TMEM132B: variants seen among roughly 807,000 people sequenced by gnomAD.
TMEM132B encodes the protein transmembrane protein 132B.
TMEM132B carries 18 observed loss-of-function variants against 90.8 expected under a neutral mutation model. The ratio of observed to expected loss-of-function variants is 0.20; its 90% CI spans 0.14 to 0.29. The LOEUF (loss-of-function observed/expected upper bound fraction) is 0.29. Ranked by LOEUF, TMEM132B falls within the 10% of genes least tolerant of loss-of-function variation. The probability of loss-of-function intolerance (pLI) is 1.00; values close to 1 mark genes in which losing one functional copy is unlikely to be tolerated. For missense variants in TMEM132B, 1,096 were observed against 1,326.8 expected (o/e 0.83, Z 2.70); for synonymous variants, 504 against 523.3 (o/e 0.96, Z 0.50).
chr12:125,299,479 G>T (rs924926476), intron 1 of TMEM132B, among the ~76,000 whole-genome samples: 17 of 152,170 alleles, frequency 1.1e-4, no homozygotes, highest in African/African-American at 3.9e-4. Context: ...CCTCCAGTCT[G>T]CGGCCTTCCA....
intron 4 of TMEM132B, among the ~76,000 whole-genome samples, 191 bp from the exon 5 acceptor site, chr12:125,583,660 A>G (rs1382003617): frequency 3.3e-5 from 5 of 152,172 alleles, no homozygotes; most frequent in Non-Finnish European, 7.3e-5. Context: ...AGGTTTGATT[A>G]TCTCAGTCTG....
intron 5 of TMEM132B, among the ~76,000 whole-genome samples, chr12:125,625,164 G>A (rs1367724627): frequency 4.1e-5 from 5 of 121,736 alleles, no homozygotes; most frequent in Admixed American, 2.2e-4. Context: ...ACTGAGTCTC[G>A]CTCTGTTGCC....
intron 4 of TMEM132B, among the ~76,000 whole-genome samples, chr12:125,549,498 T>G (rs1398591487): frequency 6.6e-6 from 1 of 152,214 alleles, no homozygotes; most frequent in Non-Finnish European, 1.5e-5. Flanking sequence ...AAAATGAATT[T>G]CAGGTCTCTC....
intron 1 of TMEM132B, among the ~76,000 whole-genome samples, chr12:125,282,785 G>A (rs928787213): frequency 6.6e-6 from 1 of 152,200 alleles, no homozygotes; most frequent in Non-Finnish European, 1.5e-5. Flanking sequence ...CTGGGAGCAC[G>A]CAGGGAGATG....
At chr12:125,517,755 C>T (rs981036007) in intron 3 of TMEM132B, among the ~76,000 whole-genome samples, 1 of 151,930 alleles carries the variant, frequency 6.6e-6, no homozygotes. Flanking sequence ...GTAGAAAGAC[C>T]AATATTATTG....
intron 1 of TMEM132B, among the ~76,000 whole-genome samples, chr12:125,212,856 G>T (rs1382567157): frequency 2.0e-5 from 3 of 151,968 alleles, no homozygotes; most frequent in South Asian, 2.1e-4. Context: ...AAAAACAAAG[G>T]GTTATATAAC....
chr12:125,231,339 AG>A (rs1356606296), intron 1 of TMEM132B, among the ~76,000 whole-genome samples: 2 of 152,074 alleles, frequency 1.3e-5, no homozygotes, highest in East Asian at 3.9e-4. Context: ...ACATCTGCCA[AG>A]GCTGTATTTT....
At chr12:125,224,582 GCTGCCCAGGCAGACCCTTCC>G (rs530099801) in intron 1 of TMEM132B, among the ~76,000 whole-genome samples, 1 of 152,352 alleles carries the variant, frequency 6.6e-6, no homozygotes, top group South Asian at 2.1e-4. Context: ...AGGGATTGGA[GCTGCCCAGGCAGACCCTTCC>G]CTGCCTGTCT....
At chr12:125,391,898 C>T (rs1174133612) in intron 2 of TMEM132B, among the ~76,000 whole-genome samples, 1 of 152,108 alleles carries the variant, frequency 6.6e-6, no homozygotes, top group Non-Finnish European at 1.5e-5. Context: ...TCCTGAGTAG[C>T]TGGGACTACA....
At chr12:125,358,893 A>G (rs928685326) in intron 2 of TMEM132B, among the ~76,000 whole-genome samples, 2 of 152,164 alleles carry the variant, frequency 1.3e-5, no homozygotes, top group Admixed American at 1.3e-4. Flanking sequence ...TCTTGTCTCA[A>G]ATGCAGTAAT....
chr12:125,583,788 C>T (rs1165006415), intron 4 of TMEM132B, 63 bp from the exon 5 acceptor site: 3 of 1,585,890 alleles, frequency 1.9e-6, no homozygotes, highest in Non-Finnish European at 2.6e-6. Context: ...GTGGACACCC[C>T]TCTCCTGCTC....
intron 4 of TMEM132B, among the ~76,000 whole-genome samples, chr12:125,563,842 A>G (rs146163138): frequency 1.0e-3 from 157 of 152,320 alleles, no homozygotes; most frequent in African/African-American, 3.6e-3. Context: ...GATGAAAGTT[A>G]TGCTACCAGA....
intron 3 of TMEM132B, among the ~76,000 whole-genome samples, chr12:125,515,746 ACACATATT>A: frequency 6.6e-6 from 1 of 151,698 alleles, no homozygotes; most frequent in African/African-American, 2.4e-5. Context: ...ACACATTCTC[ACACATATT>A]CACACATTCT....
At chr12:125,412,556 G>A (rs190506347) in intron 2 of TMEM132B, among the ~76,000 whole-genome samples, 58 of 152,304 alleles carry the variant, frequency 3.8e-4, no homozygotes, top group African/African-American at 1.3e-3. Context: ...ACCTTCAGCC[G>A]GTCGTGCGCT....
intron 2 of TMEM132B, among the ~76,000 whole-genome samples, chr12:125,358,320 T>C (rs1328864508): frequency 6.7e-6 from 1 of 149,378 alleles, no homozygotes; most frequent in East Asian, 1.9e-4. Context: ...AGTCTAAAAC[T>C]TCTATTTCCC....
intron 1 of TMEM132B, among the ~76,000 whole-genome samples, chr12:125,202,965 CAG>C (rs1873099305): frequency 6.6e-6 from 1 of 152,182 alleles, no homozygotes. Context: ...CACTTGCAAC[CAG>C]AGAGTCCTGG....
At position 125,456,229 on chromosome 12, in the gene TMEM132B, C is replaced by G. The variant is rs182574858; in HGVS notation, c.1106+40552C>G. Reference sequence around the variant, plus strand: ...CGTTTGCTACCACAGCACCCCCGAGCCTATTTGACTGACACAAGGTGAAAA... The same window carrying G: ...CGTTTGCTACCACAGCACCCCCGAGGCTATTTGACTGACACAAGGTGAAAA... On this transcript the variant is annotated intron_variant, in intron 3 of 8. Transcript: ENST00000682704. 3.9e-3 allele frequency among the ~76,000 whole-genome samples: 598 copies of G among 152,304 alleles called. 5 individuals carry two copies. The highest frequency in any genetic ancestry group is 0.013 in the African/African-American group (550 of 41,574).
intron 3 of TMEM132B, among the ~76,000 whole-genome samples, chr12:125,509,837 G>A (rs1266227709): frequency 1.4e-5 from 2 of 144,620 alleles, no homozygotes; most frequent in Admixed American, 1.5e-4. Context: ...TGCATCCTCC[G>A]TGTCTGGAGT....
chr12:125,508,041 A>G (rs1181696315), intron 3 of TMEM132B, among the ~76,000 whole-genome samples: 1 of 152,228 alleles, frequency 6.6e-6, no homozygotes, highest in Admixed American at 6.5e-5. Flanking sequence ...CTTCCTGGAC[A>G]CATTACACGT....
Sources: allele counts gnomAD v4.1 joint callset (sites outside exome capture counted in the v4.1 genomes callset), GRCh38; gene constraint gnomAD v4.1.1; transcripts MANE v1.5; gene names NCBI Gene and HGNC (gene_info 2026-07-23, HGNC 2026-07-21).